Variants in APBB2 observed in about 807,000 individuals in gnomAD.
APBB2 encodes the protein amyloid beta precursor protein binding family B member 2.
APBB2 carries 38 observed loss-of-function variants against 82.5 expected under a neutral mutation model. The observed-to-expected ratio is 0.46, with a 90% CI of 0.36 to 0.60. The LOEUF is 0.60. Among genes scored for constraint, APBB2 ranks in the 20% least tolerant of loss-of-function variants. The pLI, the probability that APBB2 is intolerant of heterozygous loss-of-function variation, is 0.00. For missense variants in APBB2, 772 were observed against 972.3 expected (o/e 0.79, Z 2.74); for synonymous variants, 341 against 368.2 (o/e 0.93, Z 0.85).
intron 2 of APBB2, among the ~76,000 whole-genome samples, chr4:41,110,944 C>T (rs577227318): frequency 2.3e-4 from 35 of 152,284 alleles, no homozygotes; most frequent in African/African-American, 7.2e-4. Flanking sequence ...CTATACAACT[C>T]ACTGTAATGT....
At chr4:41,015,307 A>G (rs1302727569) in intron 5 of APBB2, among the ~76,000 whole-genome samples, 2 of 152,234 alleles carry the variant, frequency 1.3e-5, no homozygotes, top group Admixed American at 6.5e-5. Context: ...AGGGAATAAA[A>G]TTCATCAGCA....
intron 1 of APBB2, among the ~76,000 whole-genome samples, chr4:41,209,214 A>T (rs1778716504): frequency 1.3e-5 from 2 of 151,932 alleles, no homozygotes; most frequent in South Asian, 4.2e-4. Context: ...TGGGATAACA[A>T]CTCCTCACTG....
intron 17 of APBB2, among the ~76,000 whole-genome samples, chr4:40,820,120 G>A (rs1170139675): frequency 6.6e-6 from 1 of 152,208 alleles, no homozygotes; most frequent in Non-Finnish European, 1.5e-5. Flanking sequence ...ATTCCAGCCC[G>A]TAAGTGCGAG....
In APBB2 at chr4:40,832,730, G is replaced by A. The variant is rs940341031; in HGVS notation, c.1530-2153C>T. On this transcript the variant is annotated intron_variant, in intron 12 of 17. Coordinates refer to ENST00000508593, the MANE Select transcript of APBB2 (RefSeq NM_004307.2). The surrounding 1 kb of genome is among the most constrained non-coding windows in gnomAD (Gnocchi z 4.8). ...TTCCTCGCACACACAGTACATACAC[G>A]GGGGCACAGCAAGTGTCTGAGTGTG... is the stretch of plus-strand genomic sequence containing the variant. 1.3e-5 allele frequency among the ~76,000 whole-genome samples: 2 copies of A among 152,128 alleles called. No individual in the cohort carries two copies. The highest frequency in any genetic ancestry group is 6.6e-5 in the Admixed American group (1 of 15,262).
chr4:40,881,446 A>T, intron 12 of APBB2: 1 of 912,910 alleles, frequency 1.1e-6, no homozygotes, highest in Non-Finnish European at 1.3e-6. Flanking sequence ...CCAAGAAGAA[A>T]CAGAGATAAC....
chr4:40,972,980 T>A (rs1473403604), intron 6 of APBB2, among the ~76,000 whole-genome samples: 1 of 152,260 alleles, frequency 6.6e-6, no homozygotes, highest in Non-Finnish European at 1.5e-5. Context: ...TAATCAGAAG[T>A]ATTTGTTGAG....
Position 41,089,495 on chromosome 4 carries a change from C to G in APBB2, c.-149+11144G>C, listed in dbSNP as rs41465148. Among the ~76,000 whole-genome samples the G allele has an allele frequency of 9.5e-3, 1,442 of 152,210 alleles. 25 individuals carry two copies. Among genetic ancestry groups the G allele is most frequent in the African/African-American group, 0.033 (1,367 of 41,524 alleles). On this transcript the variant is annotated intron_variant, in intron 3 of 17. Transcript: ENST00000508593. ...TCAACAATCACACATTTTTTCCATC[C>G]TCAGTATCTGGTATTAACTCCTGAG...
intron 3 of APBB2, among the ~76,000 whole-genome samples, chr4:41,070,826 T>C (rs13152679): frequency 6.6e-6 from 1 of 152,206 alleles, no homozygotes; most frequent in Non-Finnish European, 1.5e-5. Context: ...GACTTCTTTC[T>C]ACTCTTAAGA....
chr4:41,188,328 C>A (rs1378883161), intron 1 of APBB2, among the ~76,000 whole-genome samples: 1 of 152,192 alleles, frequency 6.6e-6, no homozygotes, highest in Admixed American at 6.5e-5. Context: ...AGGAAGATTT[C>A]CAGCTGTGGT....
chr4:40,999,081 T>G (rs1804427269), intron 6 of APBB2, among the ~76,000 whole-genome samples: 1 of 152,198 alleles, frequency 6.6e-6, no homozygotes, highest in Non-Finnish European at 1.5e-5. Flanking sequence ...GACTACTATA[T>G]TTTGAGGTAA....
intron 1 of APBB2, among the ~76,000 whole-genome samples, chr4:41,204,476 T>TA (rs988215455): frequency 4.3e-4 from 66 of 152,220 alleles, no homozygotes; most frequent in African/African-American, 1.5e-3. Flanking sequence ...AACCATAAGA[T>TA]AGAGGTCCAG....
chr4:40,948,760 TAAA>T (rs34662232), intron 6 of APBB2, among the ~76,000 whole-genome samples: 15 of 83,342 alleles, frequency 1.8e-4, no homozygotes, highest in African/African-American at 4.3e-4. Context: ...ACTCCCATCT[TAAA>T]AAAAAAAAAA....
At position 40,893,337 on chromosome 4, in the gene APBB2, C is replaced by T. The variant is rs371799500; in HGVS notation, c.1329G>A (p.Ala443=). The change falls in exon 11 of 18, where the codon GCG becomes GCA. Residue 443 remains alanine (A), a synonymous_variant. Coordinates refer to ENST00000508593, the MANE Select transcript of APBB2 (RefSeq NM_004307.2). Reference sequence around the variant, plus strand: ...AAAGTTGCCTGATGCAGTTGTTGACCGCAACACTACTTTTACCGGGGGCGA... The same window carrying T: ...AAAGTTGCCTGATGCAGTTGTTGACTGCAACACTACTTTTACCGGGGGCGA... The part of the protein sequence containing the change: ...EDLAPGKSSV[A]VNNCIRQLSY... 1.2e-5 allele frequency: 19 copies of T among 1,613,338 alleles called. No individual in the cohort carries two copies. Among genetic ancestry groups the T allele is most frequent in the East Asian group, 6.7e-5 (3 of 44,842 alleles).
intron 1 of APBB2, among the ~76,000 whole-genome samples, chr4:41,182,672 G>A (rs1211947292): frequency 6.6e-6 from 1 of 152,180 alleles, no homozygotes; most frequent in Non-Finnish European, 1.5e-5. Context: ...AGATCAGCAT[G>A]GCTGGGAGGC....
At chr4:41,027,351 A>T (rs1457608996) in intron 5 of APBB2, among the ~76,000 whole-genome samples, 1 of 141,164 alleles carries the variant, frequency 7.1e-6, no homozygotes, top group Non-Finnish European at 1.5e-5. Context: ...ATATTTTTAT[A>T]AACATATTGT....
chr4:41,038,245 A>C (rs1720026791), intron 4 of APBB2, among the ~76,000 whole-genome samples: 1 of 151,756 alleles, frequency 6.6e-6, no homozygotes, highest in African/African-American at 2.4e-5. Context: ...TAGATAAATA[A>C]ATAAAATGCC....
intron 1 of APBB2, among the ~76,000 whole-genome samples, chr4:41,158,431 A>T (rs1764012396): frequency 6.6e-6 from 1 of 152,240 alleles, no homozygotes; most frequent in Admixed American, 6.5e-5. Context: ...GTTTGTTGAA[A>T]GCAGTAGCTC....
intron 1 of APBB2, among the ~76,000 whole-genome samples, chr4:41,166,829 A>G (rs1223892973): frequency 2.0e-5 from 3 of 151,938 alleles, no homozygotes; most frequent in African/African-American, 7.3e-5. Context: ...CCCAGGAGGC[A>G]GACGTTGCAG....
intron 1 of APBB2, among the ~76,000 whole-genome samples, chr4:41,163,101 T>C (rs1409185291): frequency 6.6e-6 from 1 of 152,118 alleles, no homozygotes; most frequent in Non-Finnish European, 1.5e-5. Context: ...ACTTTGAAAA[T>C]GGCAGTTTGG....
Sources: allele counts gnomAD v4.1 joint callset (sites outside exome capture counted in the v4.1 genomes callset), GRCh38; gene constraint gnomAD v4.1.1; non-coding constraint Gnocchi (gnomAD v3.1); transcripts MANE v1.5; gene names NCBI Gene and HGNC (gene_info 2026-07-23, HGNC 2026-07-21).